Variants in CADM2 observed in about 807,000 individuals in gnomAD.
CADM2 encodes the protein cell adhesion molecule 2.
A neutral mutation model predicts 49.8 loss-of-function variants in CADM2; 12 were observed. That is an observed-to-expected ratio of 0.24 (90% confidence interval 0.15 to 0.39). The LOEUF (loss-of-function observed/expected upper bound fraction) is 0.39. Among genes scored for constraint, CADM2 ranks in the 10% least tolerant of loss-of-function variants. The probability of loss-of-function intolerance (pLI) is 1.00; values close to 1 mark genes in which losing one functional copy is unlikely to be tolerated. For synonymous variants in CADM2, 214 were observed against 175.4 expected (o/e 1.22, Z -1.74); for missense variants, 378 against 492.3 (o/e 0.77, Z 2.20).
chr3:84,998,740 G>A lies in CADM2; in HGVS notation c.61+39072G>A, dbSNP rs115690461. Among the ~76,000 whole-genome samples the A allele has an allele frequency of 3.3e-3, 507 of 152,194 alleles. 6 individuals are homozygous for A. The highest frequency in any genetic ancestry group is 0.011 in the African/African-American group (475 of 41,520). ...TCCAGGAATGGACACAGAGCAATGC[G>A]TGTTTTCTTCTGTGATCAGGGGCAG... On this transcript the variant is annotated intron_variant, in intron 1 of 9. Transcript: ENST00000383699.
intron 1 of CADM2, among the ~76,000 whole-genome samples, chr3:85,616,332 G>T (rs1212509084): frequency 2.0e-5 from 3 of 151,916 alleles, no homozygotes; most frequent in Non-Finnish European, 4.4e-5. Flanking sequence ...GCATAAAATA[G>T]AATTTACATA....
chr3:85,968,923 A>G (rs1725783165), intron 8 of CADM2, among the ~76,000 whole-genome samples: 1 of 151,744 alleles, frequency 6.6e-6, no homozygotes, highest in Non-Finnish European at 1.5e-5. Context: ...GTTTTCACAC[A>G]TATTGTTACA....
chr3:85,443,855 C>T (rs917171787), intron 1 of CADM2, among the ~76,000 whole-genome samples: 14 of 152,120 alleles, frequency 9.2e-5, no homozygotes, highest in African/African-American at 3.4e-4. Context: ...AACACCCAAA[C>T]TTGTGTTTCT....
chr3:85,551,662 A>G (rs1015693006), intron 1 of CADM2, among the ~76,000 whole-genome samples: 3 of 152,198 alleles, frequency 2.0e-5, no homozygotes, highest in Admixed American at 1.3e-4. Flanking sequence ...AACTGAGTGC[A>G]TTATCCATGA....
chr3:85,375,137 C>G (rs2033511944), intron 1 of CADM2, among the ~76,000 whole-genome samples: 1 of 152,080 alleles, frequency 6.6e-6, no homozygotes, highest in Non-Finnish European at 1.5e-5. Context: ...ATGTTTTATG[C>G]TTTATATAGA....
At chr3:85,213,302 CTCTT>C (rs1377808236) in intron 1 of CADM2, among the ~76,000 whole-genome samples, 4 of 152,048 alleles carry the variant, frequency 2.6e-5, no homozygotes, top group Admixed American at 6.6e-5. Flanking sequence ...CTGTTTATCT[CTCTT>C]TCATGTTTGA....
At chr3:85,678,625 C>A (rs1050863195) in intron 1 of CADM2, among the ~76,000 whole-genome samples, 3 of 152,154 alleles carry the variant, frequency 2.0e-5, no homozygotes, top group Non-Finnish European at 4.4e-5. Context: ...TCAAAAAGTT[C>A]AAGCTCTACT....
chr3:85,125,264 C>A (rs763138525), intron 1 of CADM2, among the ~76,000 whole-genome samples: 12 of 151,976 alleles, frequency 7.9e-5, no homozygotes, highest in Admixed American at 1.3e-4. Flanking sequence ...GAAGTGGCAG[C>A]CTTAATATAT....
intron 2 of CADM2, among the ~76,000 whole-genome samples, chr3:85,730,383 A>G (rs1202205253): frequency 6.6e-6 from 1 of 152,128 alleles, no homozygotes; most frequent in Non-Finnish European, 1.5e-5. Context: ...CGGAGCCTGC[A>G]GTGAGCTGAG....
At position 86,074,074 on chromosome 3, in the gene CADM2, G is replaced by A. The variant is rs1578121485; in HGVS notation, c.*7291G>A. 1 of 151,896 alleles carries A rather than the reference G, an allele frequency of 6.6e-6. No homozygotes were observed. The highest frequency in any genetic ancestry group is 6.6e-5 in the Admixed American group (1 of 15,226). 9.4% of individuals were successfully genotyped at this position (151,896 alleles called of 1,614,324 possible). ...TAAAGGTAATTTTACATTCACTTAT[G>A]TGTGTTTACTAATGTTGAGTAGGAA... On this transcript the variant is annotated 3_prime_UTR_variant, in exon 10 of 10. Coordinates refer to ENST00000383699, the MANE Select transcript of CADM2 (RefSeq NM_001167675.2).
intron 2 of CADM2, among the ~76,000 whole-genome samples, chr3:85,761,367 C>CATTTTTTTT (rs1435295947): frequency 4.0e-5 from 4 of 101,090 alleles, no homozygotes; most frequent in African/African-American, 4.8e-5. Flanking sequence ...CAACACAAAA[C>CATTTTTTTT]TTTTTTTTTT....
chr3:85,521,307 G>C (rs1260406474), intron 1 of CADM2, among the ~76,000 whole-genome samples: 1 of 151,868 alleles, frequency 6.6e-6, no homozygotes, highest in South Asian at 2.1e-4. Context: ...TGAATAAATG[G>C]CCTCTTTTTC....
chr3:85,847,973 T>A (rs564149084), intron 3 of CADM2, among the ~76,000 whole-genome samples: 67 of 152,304 alleles, frequency 4.4e-4, no homozygotes, highest in African/African-American at 1.6e-3. Flanking sequence ...TAAAAATAAA[T>A]CATATAACTG....
intron 1 of CADM2, among the ~76,000 whole-genome samples, chr3:85,536,224 G>A (rs576552389): frequency 2.0e-5 from 3 of 151,930 alleles, no homozygotes; most frequent in Non-Finnish European, 4.4e-5. Context: ...AAAAATAAAA[G>A]ATATTCAAAG....
intron 1 of CADM2, among the ~76,000 whole-genome samples, chr3:85,502,298 G>C (rs1212954080): frequency 1.3e-5 from 2 of 152,032 alleles, no homozygotes. Flanking sequence ...GTAGATTTCA[G>C]GTCTTGCAAA....
intron 1 of CADM2, among the ~76,000 whole-genome samples, chr3:85,601,173 TAC>T (rs374397941): frequency 5.2e-4 from 52 of 99,416 alleles, no homozygotes; most frequent in Non-Finnish European, 6.1e-4. Flanking sequence ...TATATATATA[TAC>T]ACACACACAC....
rs976534212 is a variant in CADM2 at position 85,791,552 on chromosome 3, G to A, written c.89-10495G>A. 2.6e-4 allele frequency among the ~76,000 whole-genome samples: 39 copies of A among 150,930 alleles called. No individual in the cohort carries two copies. In the East Asian group the frequency reaches 5.1e-3, roughly 20 times the overall value. On this transcript the variant is annotated intron_variant, in intron 2 of 9. Transcript: ENST00000383699. Reference sequence around the variant, plus strand: ...AGAGAGAGAGAGAGAGAAAGAGAGAGAGAGAGAGAGAGAGAGAGAGAAAAG... The same window carrying A: ...AGAGAGAGAGAGAGAGAAAGAGAGAAAGAGAGAGAGAGAGAGAGAGAAAAG...
intron 1 of CADM2, among the ~76,000 whole-genome samples, chr3:85,082,383 A>T (rs577142236): frequency 2.3e-4 from 35 of 152,284 alleles, no homozygotes; most frequent in Non-Finnish European, 3.8e-4. Flanking sequence ...TTTGTACTAC[A>T]ATGCACAGGG....
chr3:85,285,574 A>G (rs953365004), intron 1 of CADM2, among the ~76,000 whole-genome samples: 6 of 152,120 alleles, frequency 3.9e-5, no homozygotes, highest in Non-Finnish European at 8.8e-5. Context: ...TCTAGTTTGA[A>G]CAGCAAGTTA....
Sources: allele counts gnomAD v4.1 joint callset (sites outside exome capture counted in the v4.1 genomes callset), GRCh38; gene constraint gnomAD v4.1.1; transcripts MANE v1.5; gene names NCBI Gene and HGNC (gene_info 2026-07-23, HGNC 2026-07-21).